LGSN: variants seen among roughly 807,000 people sequenced by gnomAD.
LGSN encodes lengsin.
A neutral mutation model predicts 19.5 loss-of-function variants in LGSN; 21 were observed. That is an observed-to-expected ratio of 1.07 (90% CI 0.76 to 1.55). The LOEUF (loss-of-function observed/expected upper bound fraction) is 1.55. LGSN is among the 40% of genes most tolerant of loss of function. The pLI is 0.00. For missense variants in LGSN, 673 were observed against 608.5 expected, an observed-to-expected ratio of 1.11 and a Z score of -1.12; for synonymous variants, 257 against 215.6, an observed-to-expected ratio of 1.19 and a Z score of -1.68.
chr6:63,545,061 C>T, the LGSN span, among the ~76,000 whole-genome samples: 6 of 152,316 alleles, frequency 3.9e-5, no homozygotes, highest in East Asian at 1.2e-3. Context: ...ATTTCTTCAA[C>T]ATGTACCAAT....
chr6:63,277,128 A>G lies in LGSN; in HGVS notation c.*2893T>C, dbSNP rs1350774748. On this transcript the variant is annotated 3_prime_UTR_variant, in exon 4 of 4. Coordinates refer to ENST00000370657, the MANE Select transcript of LGSN (RefSeq NM_016571.3). ...ATTCCTAGTTATATAATTCCTTCAC[A>G]TGGCATCCTGAGTACTGTGTTTTTA... is the stretch of plus-strand genomic sequence containing the variant. 6.6e-6 allele frequency: 1 copy of G among 152,194 alleles called. No individual in the cohort carries two copies. Among genetic ancestry groups the G allele is most frequent in the Non-Finnish European group, 1.5e-5 (1 of 68,028 alleles). The allele number at this position is 152,194 out of a possible 1,614,324, so 9.4% of individuals were successfully genotyped here.
At chr6:63,543,088 G>T in the LGSN span, among the ~76,000 whole-genome samples, 1 of 152,022 alleles carries the variant, frequency 6.6e-6, no homozygotes. Flanking sequence ...CCTTCTCCTG[G>T]CTGGATTATT....
intron 1 of LGSN, among the ~76,000 whole-genome samples, chr6:63,315,618 C>CTGTGTGTGTG (rs10601946): frequency 1.4e-5 from 2 of 138,078 alleles, no homozygotes; most frequent in African/African-American, 5.3e-5. Context: ...CTCTCTCTCT[C>CTGTGTGTGTG]TGTGTGTGTG....
chr6:63,515,768 G>A, the LGSN span, among the ~76,000 whole-genome samples: 1 of 152,088 alleles, frequency 6.6e-6, no homozygotes, highest in Non-Finnish European at 1.5e-5. Context: ...CGAACCTAAG[G>A]AAAAGAACAA....
At chr6:63,439,211 G>C in the LGSN span, among the ~76,000 whole-genome samples, 1 of 152,066 alleles carries the variant, frequency 6.6e-6, no homozygotes, top group African/African-American at 2.4e-5. Flanking sequence ...TTGTGGGGTG[G>C]GGGCAGTGGG....
At chr6:63,288,079 A>C (rs1473480392) in intron 2 of LGSN, among the ~76,000 whole-genome samples, 4 of 151,450 alleles carry the variant, frequency 2.6e-5, no homozygotes, top group Non-Finnish European at 5.9e-5. Flanking sequence ...CTAGCCAGGC[A>C]TGGTGGCATT....
chr6:63,421,394 C>T, the LGSN span, among the ~76,000 whole-genome samples: 176 of 150,578 alleles, frequency 1.2e-3, 1 homozygote, highest in African/African-American at 4.2e-3. Flanking sequence ...CACTGCACTC[C>T]AGCCTGGGCG....
the LGSN span, among the ~76,000 whole-genome samples, chr6:63,508,244 C>T: frequency 1.3e-5 from 2 of 152,058 alleles, no homozygotes; most frequent in Non-Finnish European, 2.9e-5. Flanking sequence ...ATATCAATAC[C>T]ATTCTTAGGC....
At chr6:63,472,982 T>A in the LGSN span, among the ~76,000 whole-genome samples, 7 of 147,956 alleles carry the variant, frequency 4.7e-5, no homozygotes, top group Admixed American at 3.3e-4. Context: ...AATAAATAAA[T>A]TTTTTTTTGC....
chr6:63,327,556 G>A, the LGSN span, among the ~76,000 whole-genome samples: 21 of 152,218 alleles, frequency 1.4e-4, no homozygotes, highest in South Asian at 4.1e-4. Context: ...TTGGAGAGTC[G>A]CTGCTGCCAA....
chr6:63,384,464 TATGA>T, the LGSN span, among the ~76,000 whole-genome samples: 95 of 151,804 alleles, frequency 6.3e-4, no homozygotes, highest in Non-Finnish European at 1.2e-3. Context: ...TACCTTAGAA[TATGA>T]ATGCCTTTGG....
the LGSN span, among the ~76,000 whole-genome samples, chr6:63,500,754 G>A: frequency 7.0e-6 from 1 of 143,162 alleles, no homozygotes; most frequent in Non-Finnish European, 1.5e-5. Flanking sequence ...TTGAGACAGA[G>A]TCTCACTCTG....
chr6:63,495,469 T>TTTGTTTTTTG, the LGSN span, among the ~76,000 whole-genome samples: 6 of 119,306 alleles, frequency 5.0e-5, no homozygotes, highest in Non-Finnish European at 8.2e-5. Flanking sequence ...TTTTTTTTTT[T>TTTGTTTTTTG]TTTTTTTGAG....
At chr6:63,409,898 T>C in the LGSN span, among the ~76,000 whole-genome samples, 2 of 152,070 alleles carry the variant, frequency 1.3e-5, no homozygotes, top group Admixed American at 6.6e-5. Context: ...TAGCCGGGCA[T>C]GGTGGTGGGT....
chr6:63,469,369 TC>T, the LGSN span, among the ~76,000 whole-genome samples: 1 of 152,194 alleles, frequency 6.6e-6, no homozygotes, highest in Non-Finnish European at 1.5e-5. Flanking sequence ...TTCTGCATAA[TC>T]CTTTCTAAAA....
At chr6:63,298,314 A>G (rs1489953965) in intron 1 of LGSN, among the ~76,000 whole-genome samples, 2 of 152,140 alleles carry the variant, frequency 1.3e-5, no homozygotes, top group Non-Finnish European at 2.9e-5. Flanking sequence ...GTATGGGCAC[A>G]TTTTTTATCT....
At chr6:63,452,653 T>TTCTCTCTCTC in the LGSN span, among the ~76,000 whole-genome samples, 1,384 of 147,930 alleles carry the variant, frequency 9.4e-3, 12 homozygotes, top group East Asian at 0.025. Flanking sequence ...TATGTTATCT[T>TTCTCTCTCTC]TCTCTCTCTC....
At chr6:63,304,060 A>T (rs1768283656) in intron 1 of LGSN, among the ~76,000 whole-genome samples, 1 of 152,196 alleles carries the variant, frequency 6.6e-6, no homozygotes, top group African/African-American at 2.4e-5. Context: ...ATGTGTGTGA[A>T]GTATATTTTT....
the LGSN span, among the ~76,000 whole-genome samples, chr6:63,342,590 C>A: frequency 6.6e-6 from 1 of 152,168 alleles, no homozygotes; most frequent in African/African-American, 2.4e-5. Flanking sequence ...ACTTGAACGT[C>A]AGTGTCCAAG....
Sources: allele counts gnomAD v4.1 joint callset (sites outside exome capture counted in the v4.1 genomes callset), GRCh38; gene constraint gnomAD v4.1.1; transcripts MANE v1.5; gene names NCBI Gene and HGNC (gene_info 2026-07-23, HGNC 2026-07-21).